Variants in ACTN1 observed in about 807,000 individuals in gnomAD.
ACTN1 encodes the protein actinin alpha 1.
ACTN1 carries 30 observed loss-of-function variants against 119.6 expected under a neutral mutation model. The ratio of observed to expected loss-of-function variants is 0.25; its 90% CI spans 0.19 to 0.34. The LOEUF is 0.34. Ranked by LOEUF, ACTN1 falls within the 10% of genes least tolerant of loss-of-function variation. The pLI, the probability that ACTN1 is intolerant of heterozygous loss-of-function variation, is 1.00. For missense variants in ACTN1, 764 were observed against 1,223.4 expected (o/e 0.62, Z 5.60); for synonymous variants, 429 against 472.6 (o/e 0.91, Z 1.20).
At chr14:68,923,468 A>C (rs80273559) in intron 2 of ACTN1, among the ~76,000 whole-genome samples, 1,903 of 152,146 alleles carry the variant, frequency 0.013, 33 homozygotes, top group African/African-American at 0.043. Context: ...AGATTTGTTT[A>C]AAACTGGGGA....
intron 3 of ACTN1, among the ~76,000 whole-genome samples, chr14:68,915,717 C>G (rs72733528): frequency 0.14 from 21,768 of 152,232 alleles, 1,848 homozygotes; most frequent in South Asian, 0.25. Context: ...GGACGAAGTA[C>G]GACAAACAGA....
At chr14:68,897,402 G>A (rs974531410) in intron 8 of ACTN1, among the ~76,000 whole-genome samples, 3 of 152,238 alleles carry the variant, frequency 2.0e-5, no homozygotes, top group Non-Finnish European at 2.9e-5. Context: ...TATTATCCCT[G>A]GAGTTATTTT....
At chr14:68,974,548 AACATCACACAC>A (rs2036999181) in intron 1 of ACTN1, among the ~76,000 whole-genome samples, 1 of 143,738 alleles carries the variant, frequency 7.0e-6, no homozygotes, top group African/African-American at 2.6e-5. Flanking sequence ...TCTGTCCTAC[AACATCACACAC>A]ACACACACAC....
intron 1 of ACTN1, among the ~76,000 whole-genome samples, chr14:68,953,997 A>T (rs1016726012): frequency 6.6e-6 from 1 of 152,192 alleles, no homozygotes; most frequent in Non-Finnish European, 1.5e-5. Flanking sequence ...CTAATTTTTT[A>T]AAATAATGAA....
chr14:68,880,208 C>A lies in ACTN1; in HGVS notation c.2134-100G>T. The A allele has an allele frequency of 6.9e-7, 1 of 1,456,438 alleles. No individual in the cohort carries two copies. 90.2% of individuals were successfully genotyped at this position (1,456,438 alleles called of 1,614,324 possible). On this transcript the variant is annotated intron_variant, in intron 17 of 21. Transcript: ENST00000394419. This position sits in a 1 kb window ranked among gnomAD's most constrained non-coding sequence, Gnocchi z 4.6. ...CCCCAACCATCAAAATGGCCAAAGC[C>A]ATCAAACTTGGCCTTCTGTGTGGCT...
intron 1 of ACTN1, among the ~76,000 whole-genome samples, chr14:68,942,447 C>A (rs1196541037): frequency 1.3e-5 from 2 of 152,106 alleles, no homozygotes; most frequent in East Asian, 3.9e-4. Flanking sequence ...CCACTCCTTA[C>A]AGAGGAGAGG....
Position 68,878,781 on chromosome 14 carries a change from G to A in ACTN1, c.2361+208C>T. 6.4e-7 allele frequency: 1 copy of A among 1,566,168 alleles called. No homozygotes were observed. The highest frequency in any genetic ancestry group is 1.1e-5 in the South Asian group (1 of 87,486). ...TGAAGAGCAGCGAGGACGGAAGACA[G>A]CGGGCACCCAGTAGGTTGCCATGAA... On this transcript the variant is annotated intron_variant, in intron 19 of 21. Coordinates refer to ENST00000394419, the MANE Select transcript of ACTN1 (RefSeq NM_001130004.2). This position sits in a 1 kb window ranked among gnomAD's most constrained non-coding sequence, Gnocchi z 4.4.
intron 12 of ACTN1, 29 bp from the exon 13 acceptor site, chr14:68,884,912 G>A: frequency 1.3e-6 from 2 of 1,568,662 alleles, no homozygotes; most frequent in Non-Finnish European, 1.8e-6. Flanking sequence ...AGGAAGTCAG[G>A]GGACCCAGGT....
intron 2 of ACTN1, among the ~76,000 whole-genome samples, chr14:68,921,534 TACAA>T (rs1388124668): frequency 1.3e-5 from 2 of 151,434 alleles, no homozygotes; most frequent in African/African-American, 4.9e-5. Context: ...AATGAACAAA[TACAA>T]AGAAAGATCC....
At chr14:68,949,743 TCATA>T (rs1430369574) in intron 1 of ACTN1, among the ~76,000 whole-genome samples, 1 of 152,104 alleles carries the variant, frequency 6.6e-6, no homozygotes, top group Non-Finnish European at 1.5e-5. Context: ...CCAAACATGG[TCATA>T]CATACAATGG....
chr14:68,972,521 A>G (rs1201259085), intron 1 of ACTN1, among the ~76,000 whole-genome samples: 1 of 152,240 alleles, frequency 6.6e-6, no homozygotes, highest in Non-Finnish European at 1.5e-5. Context: ...CCATGCCATA[A>G]AGTCACCATT....
chr14:68,953,493 C>T (rs529831676), intron 1 of ACTN1, among the ~76,000 whole-genome samples: 4 of 152,284 alleles, frequency 2.6e-5, no homozygotes, highest in South Asian at 2.1e-4. Context: ...TTACACTGTG[C>T]GTACTCCGCA....
chr14:68,893,427 G>A (rs761850388), intron 9 of ACTN1, among the ~76,000 whole-genome samples: 8 of 152,182 alleles, frequency 5.3e-5, no homozygotes, highest in Non-Finnish European at 1.5e-5. Context: ...AAGACTCTGA[G>A]AGGCAAAGGG....
chr14:68,914,089 G>A (rs2034155887), intron 3 of ACTN1, among the ~76,000 whole-genome samples: 2 of 151,960 alleles, frequency 1.3e-5, no homozygotes, highest in South Asian at 4.1e-4. Context: ...AGGCATGGTA[G>A]TGCCTGTAGT....
rs1408243144 is a variant in ACTN1 at position 68,925,909 on chromosome 14, A to G, written c.106-237T>C. Among the ~76,000 whole-genome samples, 1 of 152,218 alleles carries G rather than the reference A, an allele frequency of 6.6e-6. No homozygotes were observed. The highest frequency in any genetic ancestry group is 1.5e-5 in the Non-Finnish European group (1 of 68,038). On this transcript the variant is annotated intron_variant, in intron 1 of 21. Transcript: ENST00000394419. This position sits in a 1 kb window ranked among gnomAD's most constrained non-coding sequence, Gnocchi z 4.3. ...ACATGGGTGGGAGCAAGCAGGATAC[A>G]TGAAGCAGCAAATTCCCTTAACATC... is the stretch of plus-strand genomic sequence containing the variant.
chr14:68,951,880 C>T (rs2036182644), intron 1 of ACTN1, among the ~76,000 whole-genome samples: 1 of 152,220 alleles, frequency 6.6e-6, no homozygotes, highest in Non-Finnish European at 1.5e-5. Flanking sequence ...TAAACTCTTA[C>T]CCTGTGCCAG....
chr14:68,900,170 C>T (rs540910100), intron 8 of ACTN1, among the ~76,000 whole-genome samples: 1 of 152,114 alleles, frequency 6.6e-6, no homozygotes, highest in Non-Finnish European at 1.5e-5. Context: ...CTGCTGCCAG[C>T]CCATATGGTG....
At chr14:68,978,165 CCT>C (rs995531890) in intron 1 of ACTN1, 1 of 456,132 alleles carries the variant, frequency 2.2e-6, no homozygotes, top group African/African-American at 2.0e-5. Context: ...CCAAATATCC[CCT>C]AAGACTGACC....
Position 68,930,586 on chromosome 14 carries a change from A to G in ACTN1, c.106-4914T>C, listed in dbSNP as rs182843295. Among the ~76,000 whole-genome samples, 17 of 152,324 alleles carry G rather than the reference A, an allele frequency of 1.1e-4. No homozygotes were observed. The East Asian group carries it at 2.5e-3, about 22-fold the overall frequency. On this transcript the variant is annotated intron_variant, in intron 1 of 21. Transcript: ENST00000394419. ...CAGGAGGGCCATGGGATTCACTCGG[A>G]TCACTCTGCAGAAAAGTATCCATGG...
Sources: allele counts gnomAD v4.1 joint callset (sites outside exome capture counted in the v4.1 genomes callset), GRCh38; gene constraint gnomAD v4.1.1; non-coding constraint Gnocchi (gnomAD v3.1); transcripts MANE v1.5; gene names NCBI Gene and HGNC (gene_info 2026-07-23, HGNC 2026-07-21).